The following ARID2 variants were observed in gnomAD, a reference collection of about 807,000 sequenced individuals.
The protein encoded by ARID2 is AT-rich interaction domain 2.
In ARID2, 32 loss-of-function variants were observed where a neutral mutation model predicts 184.6. The ratio of observed to expected loss-of-function variants is 0.17; its 90% CI spans 0.13 to 0.23. ARID2 has a LOEUF of 0.23. Among genes scored for constraint, ARID2 ranks in the 10% least tolerant of loss-of-function variants. ARID2 has a pLI of 1.00. For synonymous variants in ARID2, 836 were observed against 772.6 expected (o/e 1.08, Z -1.36); for missense variants, 1,696 against 2,197.6 (o/e 0.77, Z 4.56).
chr12:45,798,547 G>T (rs1034012203), intron 3 of ARID2, among the ~76,000 whole-genome samples: 17 of 152,172 alleles, frequency 1.1e-4, no homozygotes, highest in Admixed American at 3.3e-4. Flanking sequence ...GAAGTGGAGA[G>T]TAGGCTTTTT....
At chr12:45,775,043 C>T (rs1941948911) in intron 3 of ARID2, among the ~76,000 whole-genome samples, 1 of 151,980 alleles carries the variant, frequency 6.6e-6, no homozygotes, top group Non-Finnish European at 1.5e-5. Context: ...AGGATGGTCC[C>T]CCCATAAAGA....
At chr12:45,754,376 A>G (rs1180996122) in intron 3 of ARID2, among the ~76,000 whole-genome samples, 2 of 152,188 alleles carry the variant, frequency 1.3e-5, no homozygotes, top group African/African-American at 2.4e-5. Context: ...GACAGATACT[A>G]TGTCTTTTTT....
rs34953202 is a variant in ARID2, at chr12:45,876,569, G to GA, written c.4923-15198dup. Among the ~76,000 whole-genome samples the GA allele has an allele frequency of 6.7e-3, 906 of 135,646 alleles. 12 individuals carry two copies. Among genetic ancestry groups the GA allele is most frequent in the African/African-American group, 0.023 (830 of 36,346 alleles). 89.0% of individuals were successfully genotyped at this position (135,646 alleles called of 152,430 possible). Reference sequence around the variant, plus strand: ...TCCATCTCAAAAAAAGAAAAAAAAGGAAAAAAAAAAAAAGACACAGAACAT... The same window carrying GA: ...TCCATCTCAAAAAAAGAAAAAAAAGGAAAAAAAAAAAAAAGACACAGAACAT... On this transcript the variant is annotated intron_variant, in intron 16 of 20. Coordinates refer to ENST00000334344, the MANE Select transcript of ARID2 (RefSeq NM_152641.4).
At chr12:45,890,213 T>G (rs769193726) in intron 16 of ARID2, among the ~76,000 whole-genome samples, 1 of 152,248 alleles carries the variant, frequency 6.6e-6, no homozygotes, top group African/African-American at 2.4e-5. Context: ...TTTAAAATCA[T>G]ACATAGTTGT....
Position 45,854,125 on chromosome 12 carries a change from C to T in ARID2, c.4773+1229C>T, listed in dbSNP as rs189225224. On this transcript the variant is annotated intron_variant, in intron 15 of 20. Coordinates refer to ENST00000334344, the MANE Select transcript of ARID2 (RefSeq NM_152641.4). ...GTGCATGCGAAGGATCTAGGTTGCA[C>T]GCTCCTTAGGAGAATCTAACGCCTG... is the stretch of plus-strand genomic sequence containing the variant. Among the ~76,000 whole-genome samples, 68 of 152,250 alleles carry T rather than the reference C, an allele frequency of 4.5e-4. 2 individuals are homozygous for T. In the East Asian group the frequency reaches 0.012, roughly 27 times the overall value.
intron 6 of ARID2, among the ~76,000 whole-genome samples, chr12:45,829,404 C>T (rs962776094): frequency 6.6e-6 from 1 of 151,698 alleles, no homozygotes. Context: ...GTTTTTATAC[C>T]TCTATGCAAT....
chr12:45,852,478 T>C lies in ARID2; in HGVS notation c.4355T>C (p.Leu1452Pro). The stretch of plus-strand genomic sequence containing the variant: ...GGTACTGATTTGCTTAATGGACCTC[T>C]AGCTTCAAGTTTGAATTCAGATGTG... ...FSGTDLLNGP[L>P]ASSLNSDVPQ... is the part of the protein sequence containing the mutation. The change falls in exon 15 of 21, where the codon CTA becomes CCA. Residue 1452 changes from leucine to proline, a missense_variant. Physicochemically the swap from Leu to Pro is moderately conservative, Grantham distance 98. Transcript: ENST00000334344. The C allele has an allele frequency of 6.2e-7, 1 of 1,614,184 alleles. No individual in the cohort carries two copies. Among genetic ancestry groups the C allele is most frequent in the Non-Finnish European group, 8.5e-7 (1 of 1,180,016 alleles).
At chr12:45,746,527 T>C (rs1941358670) in intron 3 of ARID2, among the ~76,000 whole-genome samples, 2 of 152,214 alleles carry the variant, frequency 1.3e-5, no homozygotes, top group Non-Finnish European at 2.9e-5. Context: ...GAAACTTTAA[T>C]AGTATACTTT....
At chr12:45,768,482 C>T (rs1194904379) in intron 3 of ARID2, among the ~76,000 whole-genome samples, 1 of 152,146 alleles carries the variant, frequency 6.6e-6, no homozygotes, top group African/African-American at 2.4e-5. Context: ...CCATTGTTCC[C>T]CAGCTCCAGA....
intron 16 of ARID2, among the ~76,000 whole-genome samples, chr12:45,890,902 C>T (rs1944291291): frequency 6.6e-6 from 1 of 152,090 alleles, no homozygotes; most frequent in African/African-American, 2.4e-5. Context: ...TGCTGTGGCT[C>T]ATACCTGTAA....
intron 2 of ARID2, among the ~76,000 whole-genome samples, chr12:45,730,691 A>G (rs1940973357): frequency 1.3e-5 from 2 of 152,016 alleles, no homozygotes; most frequent in Admixed American, 1.3e-4. Flanking sequence ...AGCTAACAAA[A>G]GAAACCAGGA....
intron 16 of ARID2, among the ~76,000 whole-genome samples, chr12:45,863,846 C>T (rs371840823): frequency 2.3e-5 from 2 of 87,512 alleles, no homozygotes; most frequent in Non-Finnish European, 1.9e-5. Context: ...TTTTCTTTCC[C>T]TTTTTTTTTT....
intron 18 of ARID2, 102 bp from the exon 19 acceptor site, chr12:45,893,318 T>A (rs1944327446): frequency 5.1e-6 from 7 of 1,373,180 alleles, no homozygotes; most frequent in Non-Finnish European, 6.7e-6. Context: ...AACACGATTT[T>A]AAAATAACCA....
chr12:45,850,681 A>G lies in ARID2; in HGVS notation c.2558A>G (p.Tyr853Cys), dbSNP rs199554368. 5.0e-6 allele frequency: 8 copies of G among 1,614,056 alleles called. No homozygotes were observed. Among genetic ancestry groups the G allele is most frequent in the Non-Finnish European group, 6.8e-6 (8 of 1,180,000 alleles). ...QDTVIIAPPQ[Y>C]VTTSASNIVS... ...ACTGTTATCATAGCACCCCCACAGT[A>G]TGTAACAACTTCTGCATCCAATATT... is the stretch of plus-strand genomic sequence containing the variant. Residue 853 changes from tyrosine to cysteine, a missense_variant, in exon 15 of 21, where the codon TAT becomes TGT. This residue lies in a region of ARID2 where 713 missense variants were observed against 824.4 expected (regional missense o/e 0.86). Transcript: ENST00000334344.
intron 6 of ARID2, among the ~76,000 whole-genome samples, chr12:45,829,773 C>T (rs1943074399): frequency 1.4e-5 from 2 of 140,472 alleles, no homozygotes; most frequent in South Asian, 4.5e-4. Flanking sequence ...TTGTTTTCTG[C>T]CTTTTCTTCT....
At position 45,878,292 on chromosome 12, in the gene ARID2, C is replaced by T. The variant is rs149515438; in HGVS notation, c.4923-13488C>T. On this transcript the variant is annotated intron_variant, in intron 16 of 20. Coordinates refer to ENST00000334344, the MANE Select transcript of ARID2 (RefSeq NM_152641.4). ...CATTAGTTTTGGAAAATTCTCACTT[C>T]GTTCTTACTTCAAATATTTTTTGTG... Among the ~76,000 whole-genome samples the T allele has an allele frequency of 6.0e-4, 92 of 152,204 alleles. No homozygotes were observed. In the Middle Eastern group the frequency reaches 0.02, roughly 34 times the overall value.
chr12:45,863,847 T>C (rs10880863), intron 16 of ARID2, among the ~76,000 whole-genome samples: 1 of 59,368 alleles, frequency 1.7e-5, no homozygotes, highest in Non-Finnish European at 2.5e-5. Flanking sequence ...TTTCTTTCCC[T>C]TTTTTTTTTG....
Position 45,775,669 on chromosome 12 carries a change from G to A in ARID2, c.285-35749G>A, listed in dbSNP as rs147052132. Among the ~76,000 whole-genome samples the A allele has an allele frequency of 1.6e-4, 25 of 152,310 alleles. No individual in the cohort carries two copies. In the South Asian group the frequency reaches 2.9e-3, roughly 18 times the overall value. On this transcript the variant is annotated intron_variant, in intron 3 of 20. Transcript: ENST00000334344. ...CATTAGCTCAGCCAATGTCATATGA[G>A]CTAAGTAGTTTGGTGAAGTCATGAT...
At chr12:45,800,029 A>C (rs1377050945) in intron 3 of ARID2, among the ~76,000 whole-genome samples, 1 of 151,890 alleles carries the variant, frequency 6.6e-6, no homozygotes. Flanking sequence ...TTTAAATTTT[A>C]TGTAGAGATG....
Sources: gnomAD v4.1 joint callset for allele counts (sites outside exome capture counted in the v4.1 genomes callset) on GRCh38, gnomAD v4.1.1 for gene constraint, gnomAD v4.1.1 regional missense constraint, MANE v1.5 for transcripts, NCBI Gene and HGNC (gene_info 2026-07-23, HGNC 2026-07-21) for gene names.